SEM1: variants seen among roughly 807,000 people sequenced by gnomAD.
SEM1 encodes SEM1 26S proteasome subunit.
Under a neutral mutation model 12.7 loss-of-function variants are expected in SEM1, and 3 were observed. That is an observed-to-expected ratio of 0.24 (90% CI 0.11 to 0.61). The LOEUF (loss-of-function observed/expected upper bound fraction) is 0.61, where lower values mean the gene tolerates loss of function less well. Ranked by LOEUF, SEM1 falls within the 20% of genes least tolerant of loss-of-function variation. The probability of loss-of-function intolerance (pLI) is 0.88; values close to 1 mark genes in which losing one functional copy is unlikely to be tolerated. For synonymous variants in SEM1, 30 were observed against 27.8 expected, an observed-to-expected ratio of 1.08 and a Z score of -0.25; for missense variants, 59 against 81.3, an observed-to-expected ratio of 0.73 and a Z score of 1.06.
intron 2 of SEM1, among the ~76,000 whole-genome samples, chr7:96,581,274 T>C (rs1806395618): frequency 6.6e-6 from 1 of 152,198 alleles, no homozygotes; most frequent in Admixed American, 6.5e-5. Flanking sequence ...AAAGATCAGA[T>C]AGTTGCAGAT....
At chr7:96,551,705 C>CAAA (rs56316029) in intron 2 of SEM1, among the ~76,000 whole-genome samples, 1 of 84,078 alleles carries the variant, frequency 1.2e-5, no homozygotes, top group African/African-American at 4.6e-5. Flanking sequence ...GACTCTGTCT[C>CAAA]AAAAAAAAAA....
rs370625277 is a variant in SEM1, at chr7:96,627,656, A to T, written c.171-5013T>A. 2.6e-5 allele frequency among the ~76,000 whole-genome samples: 4 copies of T among 152,206 alleles called. 1 individual carries two copies. The highest frequency in any genetic ancestry group is 9.6e-5 in the African/African-American group (4 of 41,566). The stretch of plus-strand genomic sequence containing the variant: ...ATGCTTGATATGATTTCAACTTTTT[A>T]AAACATTTTAAGACTTGTTTTGTGA... On this transcript the variant is annotated intron_variant, in intron 2 of 2. Coordinates refer to the SEM1 transcript ENST00000417009.
intron 2 of SEM1, among the ~76,000 whole-genome samples, chr7:96,562,113 G>A (rs1264076056): frequency 1.3e-5 from 2 of 152,082 alleles, no homozygotes; most frequent in African/African-American, 4.8e-5. Context: ...AATTCATTTT[G>A]TCGAGTTAAA....
chr7:96,687,286 G>T (rs1445241590), downstream of SEM1, among the ~76,000 whole-genome samples: 3 of 152,182 alleles, frequency 2.0e-5, no homozygotes, highest in African/African-American at 7.2e-5. Context: ...CCATTACTGG[G>T]TATAGACCCA....
chr7:96,567,562 T>A (rs1312095075), intron 2 of SEM1, among the ~76,000 whole-genome samples: 3 of 151,662 alleles, frequency 2.0e-5, no homozygotes, highest in Admixed American at 6.6e-5. Context: ...ATTGTAATGG[T>A]GGACATCATT....
intron 2 of SEM1, among the ~76,000 whole-genome samples, chr7:96,521,419 A>T (rs1326744857): frequency 2.0e-5 from 3 of 152,122 alleles, no homozygotes; most frequent in Non-Finnish European, 4.4e-5. Flanking sequence ...TGGGTGTGGG[A>T]CAAGCGTCTG....
chr7:96,594,404 C>A (rs1047328424), intron 2 of SEM1, among the ~76,000 whole-genome samples: 26 of 149,128 alleles, frequency 1.7e-4, no homozygotes, highest in African/African-American at 6.1e-4. Flanking sequence ...AAAACCCCCC[C>A]ACCATTAAAA....
At chr7:96,572,975 G>C (rs548479573) in intron 2 of SEM1, among the ~76,000 whole-genome samples, 1 of 152,146 alleles carries the variant, frequency 6.6e-6, no homozygotes, top group Non-Finnish European at 1.5e-5. Flanking sequence ...CCTGTATAGG[G>C]TGCATATATA....
chr7:96,532,641 C>T (rs1033173670), intron 2 of SEM1, among the ~76,000 whole-genome samples: 1 of 152,104 alleles, frequency 6.6e-6, no homozygotes, highest in African/African-American at 2.4e-5. Flanking sequence ...TCTTCCATAA[C>T]ATGCTTAGCC....
At chr7:96,488,326 T>C (rs968794582) in intron 1 of SEM1, among the ~76,000 whole-genome samples, 1 of 152,198 alleles carries the variant, frequency 6.6e-6, no homozygotes, top group Non-Finnish European at 1.5e-5. Context: ...TACTTAATAC[T>C]TTCTCTTGTA....
chr7:96,634,367 C>T (rs1487240339), intron 2 of SEM1, among the ~76,000 whole-genome samples: 1 of 151,882 alleles, frequency 6.6e-6, no homozygotes, highest in African/African-American at 2.4e-5. Flanking sequence ...ATCATTAGAA[C>T]AGAAAATAAG....
At position 96,513,466 on chromosome 7, in the gene SEM1, T is replaced by C. The variant is rs567007556; in HGVS notation, c.171-6768A>G. Among the ~76,000 whole-genome samples the C allele has an allele frequency of 1.2e-4, 19 of 152,264 alleles. No individual in the cohort carries two copies. In the South Asian group the frequency reaches 3.5e-3, roughly 28 times the overall value. ...AGTACAGAAATAAAAGGGGAAACTT[T>C]TATCCTTATCTGATAGCATTAGGGG... On this transcript the variant is annotated intron_variant and NMD_transcript_variant, in intron 2 of 3. Transcript: ENST00000466986.
At chr7:96,676,824 A>T (rs905789953) in intron 2 of SEM1, among the ~76,000 whole-genome samples, 1 of 152,230 alleles carries the variant, frequency 6.6e-6, no homozygotes, top group Admixed American at 6.6e-5. Flanking sequence ...AGGAAATTAG[A>T]GAGTCACCAC....
upstream of SEM1, among the ~76,000 whole-genome samples, chr7:96,499,282 A>G (rs998205388): frequency 2.0e-5 from 3 of 152,180 alleles, no homozygotes; most frequent in Non-Finnish European, 2.9e-5. Flanking sequence ...CCACTTTTTC[A>G]TTCTCTGCAA....
At chr7:96,593,039 GTCATT>G (rs752527106) in intron 2 of SEM1, among the ~76,000 whole-genome samples, 1 of 143,906 alleles carries the variant, frequency 6.9e-6, no homozygotes, top group Non-Finnish European at 1.5e-5. Context: ...TTCTTAAAAC[GTCATT>G]TCTCCAAGTA....
chr7:96,708,546 T>C (rs1790542334), intron 1 of SEM1, among the ~76,000 whole-genome samples: 1 of 152,178 alleles, frequency 6.6e-6, no homozygotes, highest in South Asian at 2.1e-4. Flanking sequence ...CAGAAAGTAA[T>C]CTCCTTTTCT....
At chr7:96,647,225 C>T (rs1342301297) in intron 2 of SEM1, among the ~76,000 whole-genome samples, 1 of 152,052 alleles carries the variant, frequency 6.6e-6, no homozygotes, top group African/African-American at 2.4e-5. Context: ...GATGGTATTG[C>T]CAAGTGGTAC....
intron 2 of SEM1, among the ~76,000 whole-genome samples, chr7:96,572,309 C>A (rs1806061279): frequency 6.6e-6 from 1 of 152,072 alleles, no homozygotes; most frequent in Non-Finnish European, 1.5e-5. Flanking sequence ...TTAGTTATTT[C>A]TTGTCTTCTG....
At chr7:96,692,761 T>C (rs560837120) in intron 2 of SEM1, among the ~76,000 whole-genome samples, 1 of 152,232 alleles carries the variant, frequency 6.6e-6, no homozygotes, top group Admixed American at 6.5e-5. Context: ...AGCAGGATTA[T>C]TGTTCAATAG....
Sources: gnomAD v4.1 joint callset for allele counts (sites outside exome capture counted in the v4.1 genomes callset) on GRCh38, gnomAD v4.1.1 for gene constraint, MANE v1.5 for transcripts, NCBI Gene and HGNC (gene_info 2026-07-23, HGNC 2026-07-21) for gene names.